Variants in JAG2 observed in about 807,000 individuals in gnomAD.
JAG2 encodes jagged canonical Notch ligand 2.
In JAG2, 46 loss-of-function variants were observed where a neutral mutation model predicts 141.7. That is an observed-to-expected ratio of 0.32 (90% confidence interval 0.26 to 0.42). The LOEUF is 0.42. JAG2 is among the 10% of genes least tolerant of loss of function. JAG2 has a pLI of 1.00. For missense variants in JAG2, 1,500 were observed against 1,817.5 expected (o/e 0.83, Z 3.18); for synonymous variants, 862 against 763.5 (o/e 1.13, Z -2.13).
In JAG2 at chr14:105,142,990, G is replaced by A. The variant is rs779483702; in HGVS notation, c.3422C>T (p.Pro1141Leu). The change falls in exon 26 of 26, where the codon CCG becomes CTG. Residue 1141 changes from proline (P) to leucine (L), a missense_variant. Physicochemically the swap from Pro to Leu is moderately conservative, Grantham distance 98. Around this residue, in one of 3 missense-constraint regions of JAG2, gnomAD observed 425 missense variants for 441.0 expected, o/e 0.96. Transcript: ENST00000331782. The stretch of plus-strand genomic sequence containing the variant: ...GTAGAGCACGTCCTTGTGGCCCCCC[G>A]GCCGCTCAATGGGGTTGCGGATGGG... The part of the protein sequence containing the change: ...LNPIRNPIER[P>L]GGHKDVLYQC... 1.6e-5 allele frequency: 25 copies of A among 1,609,240 alleles called. No homozygotes were observed. Among genetic ancestry groups the A allele is most frequent in the Admixed American group, 3.3e-5 (2 of 59,960 alleles).
rs1421673207 is a variant in JAG2 at position 105,141,337 on chromosome 14, AC to A, written c.*1357del. 2 of 152,238 alleles carry A rather than the reference AC, an allele frequency of 1.3e-5. No homozygotes were observed. Among genetic ancestry groups the A allele is most frequent in the African/African-American group, 4.8e-5 (2 of 41,454 alleles). The allele number at this position is 152,238 out of a possible 1,614,324, so 9.4% of individuals were successfully genotyped here. ...CAAATGCTGACCTTGCCTCTGAATG[AC>A]CAAGCAAAACAAAGGAATAAATGAA... is the stretch of plus-strand genomic sequence containing the variant. On this transcript the variant is annotated 3_prime_UTR_variant, in exon 26 of 26. Coordinates refer to ENST00000331782, the MANE Select transcript of JAG2 (RefSeq NM_002226.5).
Position 105,156,802 on chromosome 14 carries a change from C to T in JAG2, c.476-813G>A, listed in dbSNP as rs1032736301. On this transcript the variant is annotated intron_variant, in intron 3 of 25. Transcript: ENST00000331782. ...TCTCCAGGCTCACGTTGTCAAGAGC[C>T]CTGACGACCTTGCTTGGGACTCAGC... Among the ~76,000 whole-genome samples, 5 of 152,146 alleles carry T rather than the reference C, an allele frequency of 3.3e-5. No homozygotes were observed. In the East Asian group the frequency reaches 9.7e-4, roughly 29 times the overall value.
intron 6 of JAG2, 35 bp downstream of exon 6, chr14:105,152,126 G>A: frequency 6.2e-7 from 1 of 1,613,496 alleles, no homozygotes; most frequent in Non-Finnish European, 8.5e-7. Context: ...ACACTTCGAT[G>A]GCAGAGCATT....
At chr14:105,143,300 G>T (rs955916889) in intron 25 of JAG2, 130 bp from the exon 26 acceptor site, 7 of 1,318,218 alleles carry the variant, frequency 5.3e-6, no homozygotes, top group Non-Finnish European at 6.3e-6. Flanking sequence ...GCTGGCTCGT[G>T]GGGAGGGTCC....
In JAG2 at chr14:105,151,117, C is replaced by A; in HGVS notation, c.1268-13G>T. ...CACTCATTGGCGTCTGTGAAAGAGACAAGGTGGGAGCCGTGGGGCTCGGGC... is the reference window on the plus strand; with the variant it reads ...CACTCATTGGCGTCTGTGAAAGAGAAAAGGTGGGAGCCGTGGGGCTCGGGC... On this transcript the variant is annotated splice_polypyrimidine_tract_variant and intron_variant, in intron 9 of 25. Coordinates refer to ENST00000331782, the MANE Select transcript of JAG2 (RefSeq NM_002226.5). 5.0e-6 allele frequency: 8 copies of A among 1,604,472 alleles called. No individual in the cohort carries two copies. The South Asian group carries it at 8.9e-5, about 18-fold the overall frequency.
At chr14:105,161,511 G>C (rs1013939206) in intron 2 of JAG2, among the ~76,000 whole-genome samples, 11 of 152,122 alleles carry the variant, frequency 7.2e-5, no homozygotes, top group Non-Finnish European at 1.2e-4. Flanking sequence ...CTGAGCCCAG[G>C]GCTCCGGTTA....
rs140609711 is a variant in JAG2, at chr14:105,151,965, C to T, written c.1012G>A (p.Gly338Ser). The T allele has an allele frequency of 1.4e-4, 230 of 1,613,158 alleles. No individual in the cohort carries two copies. The highest frequency in any genetic ancestry group is 1.7e-4 in the Non-Finnish European group (199 of 1,180,026). ...TTCTCACAGTTCCTGCCCGAGTAGC[C>T]GTCAGGGCAGGTGCAGCGGTACTGG... ...PDQYRCTCPD[G>S]YSGRNCEKAE... Residue 338 changes from glycine (G) to serine (S), a missense_variant, in exon 7 of 26, where the codon GGC becomes AGC. Physicochemically the swap from Gly to Ser is moderately conservative, Grantham distance 56. Coordinates refer to ENST00000331782, the MANE Select transcript of JAG2 (RefSeq NM_002226.5).
At chr14:105,155,265 C>G (rs990975548) in intron 5 of JAG2, among the ~76,000 whole-genome samples, 1 of 152,062 alleles carries the variant, frequency 6.6e-6, no homozygotes, top group African/African-American at 2.4e-5. Flanking sequence ...CTGCCCATGC[C>G]CCATCTCTGG....
chr14:105,148,689 A>T (rs2242634), intron 15 of JAG2, 56 bp downstream of exon 15: 1 of 1,423,982 alleles, frequency 7.0e-7, no homozygotes, highest in Non-Finnish European at 9.6e-7. Context: ...TCAGGGTGAT[A>T]AGGGGCCCAC....
intron 24 of JAG2, among the ~76,000 whole-genome samples, chr14:105,144,101 G>A (rs1888150590): frequency 6.6e-6 from 1 of 152,044 alleles, no homozygotes; most frequent in Non-Finnish European, 1.5e-5. Context: ...AGTTGGGGAG[G>A]TGTGTGGCCC....
rs1373342661 is a variant in JAG2 at position 105,167,808 on chromosome 14, G to A, written c.366C>T (p.Gly122=). Residue 122 remains glycine, a synonymous_variant, in exon 2 of 26, where the codon GGC becomes GGT. Transcript: ENST00000331782. The surrounding 1 kb of genome is among the most constrained non-coding windows in gnomAD (Gnocchi z 4.8). ...CGACGAGGCCCGGGTCCTGGTCGCC[G>A]CCGGCCCGGGCCCGCGCCCGCGCTC... ...GDRARARARA[G]GDQDPGLVVI... The A allele has an allele frequency of 1.4e-6, 2 of 1,462,664 alleles. No individual in the cohort carries two copies. Among genetic ancestry groups the A allele is most frequent in the Non-Finnish European group, 9.0e-7 (1 of 1,110,770 alleles). 90.6% of individuals were successfully genotyped at this position (1,462,664 alleles called of 1,614,324 possible).
At position 105,150,748 on chromosome 14, in the gene JAG2, GCA is replaced by G; in HGVS notation, c.1456_1457del (p.Cys486ProfsTer48). ...KDLVNGYQCV[C>X]PRGFGGRHCE... ...AATGCCGGCCTCCGAAGCCCCGTGGGCACACACACTGGTACCCGTTCACCAGG... is the reference window on the plus strand; with the variant it reads ...AATGCCGGCCTCCGAAGCCCCGTGGGCACACACTGGTACCCGTTCACCAGG... On this transcript the variant is annotated frameshift_variant, in exon 12 of 26. Coordinates refer to ENST00000331782, the MANE Select transcript of JAG2 (RefSeq NM_002226.5). LOFTEE classifies it high-confidence loss of function. The G allele has an allele frequency of 6.3e-7, 1 of 1,586,320 alleles. No individual in the cohort carries two copies. The highest frequency in any genetic ancestry group is 1.8e-5 in the Admixed American group (1 of 56,038).
Position 105,168,100 on chromosome 14 carries a change from C to A in JAG2, c.74G>T (p.Arg25Leu), listed in dbSNP as rs762082391. Residue 25 changes from arginine (R) to leucine (L), a missense_variant, in exon 2 of 26, where the codon CGG (arginine) becomes CTG (leucine). By Grantham distance (102) the Arg-to-Leu change is moderately radical. Transcript: ENST00000331782. ...LLLALWVQAA[R>L]PMGYFELQLS... is the part of the protein sequence containing the mutation. ...CTGCAGCTCGAAATAGCCCATGGGC[C>A]GCGCCGCCTAAAAATAAGGCAGCGG... 4 of 1,553,554 alleles carry A rather than the reference C, an allele frequency of 2.6e-6. No homozygotes were observed. Among genetic ancestry groups the A allele is most frequent in the African/African-American group, 2.8e-5 (2 of 70,746 alleles).
chr14:105,160,449 G>A (rs1888714231), intron 2 of JAG2, among the ~76,000 whole-genome samples: 1 of 150,340 alleles, frequency 6.7e-6, no homozygotes, highest in Non-Finnish European at 1.5e-5. Context: ...TCCTTCCTTC[G>A]TTCCTTCCTT....
chr14:105,168,334 CG>C lies in JAG2; in HGVS notation c.66+20del. ...GGTGTGCCCCGTCCGCGACCCCCGC[CG>C]CCCCCGCCGCCCCGCTCACCTGCAC... On this transcript the variant is annotated intron_variant, in intron 1 of 25. Coordinates refer to ENST00000331782, the MANE Select transcript of JAG2 (RefSeq NM_002226.5). The C allele has an allele frequency of 1.2e-6, 1 of 821,394 alleles. No homozygotes were observed. Among genetic ancestry groups the C allele is most frequent in the Non-Finnish European group, 1.5e-6 (1 of 664,370 alleles). The allele number at this position is 821,394 out of a possible 1,614,324, so 50.9% of individuals were successfully genotyped here.
chr14:105,152,014 G>A lies in JAG2; in HGVS notation c.963C>T (p.Gly321=), dbSNP rs750287188. The change falls in exon 7 of 26, where the codon GGC becomes GGT. Residue 321 remains glycine, a synonymous_variant. Coordinates refer to ENST00000331782, the MANE Select transcript of JAG2 (RefSeq NM_002226.5). ...GGTCAGGCTCGGCGTTGATGCACGT[G>A]CCTCCGTTGGTGCAGGGGTGGTGGC... ...CGSHHPCTNG[G]TCINAEPDQY... 1 of 1,613,404 alleles carries A rather than the reference G, an allele frequency of 6.2e-7. No homozygotes were observed. Among genetic ancestry groups the A allele is most frequent in the Admixed American group, 1.7e-5 (1 of 60,032 alleles).
intron 14 of JAG2, 26 bp downstream of exon 14, chr14:105,148,911 C>G (rs1194597144): frequency 1.9e-6 from 3 of 1,597,068 alleles, no homozygotes; most frequent in Admixed American, 1.7e-5. Flanking sequence ...AGCCCCACCA[C>G]CAGCCCGCCG....
At chr14:105,150,514 T>C in intron 12 of JAG2, 90 bp downstream of exon 12, 1 of 1,335,226 alleles carries the variant, frequency 7.5e-7, no homozygotes, top group East Asian at 2.5e-5. Flanking sequence ...GCAGCACCCC[T>C]GGGTCACTCA....
At chr14:105,158,124 A>G (rs1888631962) in intron 2 of JAG2, among the ~76,000 whole-genome samples, 1 of 152,138 alleles carries the variant, frequency 6.6e-6, no homozygotes. Context: ...GAGTGGCCAC[A>G]GACAGGGGCC....
Sources: gnomAD v4.1 joint callset for allele counts (sites outside exome capture counted in the v4.1 genomes callset) on GRCh38, gnomAD v4.1.1 for gene constraint, gnomAD v4.1.1 regional missense constraint, Gnocchi (gnomAD v3.1) non-coding constraint, MANE v1.5 for transcripts, NCBI Gene and HGNC (gene_info 2026-07-23, HGNC 2026-07-21) for gene names.